The following ATP9B variants were observed in gnomAD, a reference collection of about 807,000 sequenced individuals.
ATP9B encodes the protein probable phospholipid-transporting ATPase IIB.
In ATP9B, 110 loss-of-function variants were observed where a neutral mutation model predicts 146.1. The ratio of observed to expected loss-of-function variants is 0.75; its 90% CI spans 0.65 to 0.88. The LOEUF (loss-of-function observed/expected upper bound fraction) is 0.88. Ranked by LOEUF, ATP9B falls within the 40% of genes least tolerant of loss-of-function variation. The pLI is 0.00. For missense variants in ATP9B, 1,499 were observed against 1,496.4 expected, an observed-to-expected ratio of 1.00 and a Z score of -0.03; for synonymous variants, 604 against 569.7, an observed-to-expected ratio of 1.06 and a Z score of -0.86.
chr18:79,113,137 T>G, intron 3 of ATP9B, 104 bp from the exon 4 acceptor site: 1 of 609,340 alleles, frequency 1.6e-6, no homozygotes, highest in East Asian at 2.9e-5. Flanking sequence ...TCTCACTGTT[T>G]GATGGAAATG....
At chr18:79,100,243 AGTT>A (rs1196301654) in intron 2 of ATP9B, among the ~76,000 whole-genome samples, 1 of 152,218 alleles carries the variant, frequency 6.6e-6, no homozygotes, top group Non-Finnish European at 1.5e-5. Flanking sequence ...TGTATTTTTC[AGTT>A]GTTAAGTGCA....
Position 79,154,520 on chromosome 18 carries a change from C to T in ATP9B, c.743C>T (p.Ser248Leu), listed in dbSNP as rs200187731. 7.8e-6 allele frequency: 12 copies of T among 1,538,056 alleles called. No individual in the cohort carries two copies. The highest frequency in any genetic ancestry group is 6.9e-5 in the Admixed American group (3 of 43,646). ...TCTTTGCAGAATCAAAGAATTCCAT[C>T]GGACATGGTGTTTCTTAGGACTTCA... is the stretch of plus-strand genomic sequence containing the variant. ...IIVEKNQRIP[S>L]DMVFLRTSEK... The change falls in exon 7 of 30, where the codon TCG becomes TTG. Residue 248 changes from serine to leucine, a missense_variant. Ser to Leu is a moderately radical substitution (Grantham distance 145). Transcript: ENST00000426216.
At chr18:79,230,869 T>C (rs577606783) in intron 11 of ATP9B, among the ~76,000 whole-genome samples, 11 of 152,264 alleles carry the variant, frequency 7.2e-5, no homozygotes, top group Admixed American at 2.0e-4. Context: ...CAAATACTTA[T>C]AGTCAACTGA....
At chr18:79,207,535 C>T (rs1218264359) in intron 10 of ATP9B, among the ~76,000 whole-genome samples, 1 of 152,150 alleles carries the variant, frequency 6.6e-6, no homozygotes, top group East Asian at 1.9e-4. Context: ...TGGAAGGAAG[C>T]TGATGAGAAA....
At chr18:79,071,399 C>CTTTT (rs56119715) in intron 1 of ATP9B, among the ~76,000 whole-genome samples, 2,575 of 69,234 alleles carry the variant, frequency 0.037, 613 homozygotes, top group South Asian at 0.12. Context: ...ATTGTTCTTC[C>CTTTT]TTTTTTTTTT....
At chr18:79,356,617 C>A (rs1182942706) in intron 25 of ATP9B, among the ~76,000 whole-genome samples, 1 of 152,244 alleles carries the variant, frequency 6.6e-6, no homozygotes, top group Non-Finnish European at 1.5e-5. Context: ...GTGTAAAAGA[C>A]GCCAGTCCCC....
At chr18:79,214,702 T>A (rs968724652) in intron 11 of ATP9B, among the ~76,000 whole-genome samples, 3 of 152,208 alleles carry the variant, frequency 2.0e-5, no homozygotes, top group Non-Finnish European at 4.4e-5. Context: ...ATTTTACTCA[T>A]TTTTATTTAA....
chr18:79,248,605 A>T (rs576271490), intron 11 of ATP9B, among the ~76,000 whole-genome samples: 120 of 152,304 alleles, frequency 7.9e-4, no homozygotes, highest in African/African-American at 2.8e-3. Context: ...GTAGTCAGCC[A>T]TGTACAAAGC....
intron 11 of ATP9B, among the ~76,000 whole-genome samples, chr18:79,227,537 G>A (rs558118749): frequency 3.9e-5 from 6 of 152,280 alleles, no homozygotes; most frequent in Admixed American, 2.6e-4. Flanking sequence ...GTGGATGGAT[G>A]ATGAGTCCAG....
intron 12 of ATP9B, among the ~76,000 whole-genome samples, chr18:79,271,389 GC>G (rs2096252978): frequency 4.9e-5 from 1 of 20,394 alleles, no homozygotes; most frequent in African/African-American, 2.1e-4. Context: ...CCTCCCCCAG[GC>G]CCCCCACCCC....
chr18:79,228,780 T>C (rs961537337), intron 11 of ATP9B, among the ~76,000 whole-genome samples: 1 of 152,158 alleles, frequency 6.6e-6, no homozygotes, highest in African/African-American at 2.4e-5. Flanking sequence ...ATCCCACCAC[T>C]TTGGGAAGTC....
intron 8 of ATP9B, 46 bp from the exon 9 acceptor site, chr18:79,193,137 T>C: frequency 1.5e-6 from 2 of 1,367,306 alleles, no homozygotes; most frequent in Non-Finnish European, 2.0e-6. Context: ...CAAGTAATTT[T>C]ACTAAACTAT....
chr18:79,242,187 G>A (rs2095895891), intron 11 of ATP9B, among the ~76,000 whole-genome samples: 1 of 152,210 alleles, frequency 6.6e-6, no homozygotes, highest in Non-Finnish European at 1.5e-5. Flanking sequence ...CTCATTCTTA[G>A]TAGCCTGTTT....
At chr18:79,231,803 T>TATATATATATATATAC (rs569726473) in intron 11 of ATP9B, among the ~76,000 whole-genome samples, 6 of 114,756 alleles carry the variant, frequency 5.2e-5, no homozygotes, top group Admixed American at 8.8e-5. Context: ...TATATATATA[T>TATATATATATATATAC]ACACACACAC....
At chr18:79,255,592 T>A (rs952673622) in intron 12 of ATP9B, among the ~76,000 whole-genome samples, 2 of 152,260 alleles carry the variant, frequency 1.3e-5, no homozygotes, top group East Asian at 3.8e-4. Context: ...CCAGCTGGAA[T>A]GCCTGTCTCA....
chr18:79,234,830 G>A (rs138086974), intron 11 of ATP9B, among the ~76,000 whole-genome samples: 1 of 152,116 alleles, frequency 6.6e-6, no homozygotes, highest in South Asian at 2.1e-4. Context: ...GATTTCCTTG[G>A]TTCAGCTTTT....
At chr18:79,222,026 A>G (rs2095685196) in intron 11 of ATP9B, among the ~76,000 whole-genome samples, 1 of 152,064 alleles carries the variant, frequency 6.6e-6, no homozygotes, top group Non-Finnish European at 1.5e-5. Context: ...TGAGTTCAAC[A>G]GACATTTCCC....
chr18:79,187,031 C>A (rs1232131218), intron 8 of ATP9B, among the ~76,000 whole-genome samples: 2 of 152,202 alleles, frequency 1.3e-5, no homozygotes, highest in Non-Finnish European at 2.9e-5. Flanking sequence ...GCACTATGTG[C>A]ATGGTGGTCT....
At chr18:79,215,697 C>CT (rs145473712) in intron 11 of ATP9B, among the ~76,000 whole-genome samples, 19,904 of 149,930 alleles carry the variant, frequency 0.13, 1,407 homozygotes, top group African/African-American at 0.16. Context: ...ACTAGAACAT[C>CT]TTTTTTTTTT....
Sources: allele counts gnomAD v4.1 joint callset (sites outside exome capture counted in the v4.1 genomes callset), GRCh38; gene constraint gnomAD v4.1.1; transcripts MANE v1.5; gene names NCBI Gene and HGNC (gene_info 2026-07-23, HGNC 2026-07-21).